CASK: variants seen among roughly 807,000 people sequenced by gnomAD.
CASK encodes peripheral plasma membrane protein CASK.
A neutral mutation model predicts 82.9 loss-of-function variants in CASK; 4 were observed. The ratio of observed to expected loss-of-function variants is 0.05; its 90% confidence interval spans 0.02 to 0.11. The LOEUF (loss-of-function observed/expected upper bound fraction) is 0.11, where lower values mean the gene tolerates loss of function less well. Ranked by LOEUF, CASK falls within the 10% of genes least tolerant of loss-of-function variation. The probability of loss-of-function intolerance (pLI) is 1.00; values close to 1 mark genes in which losing one functional copy is unlikely to be tolerated. For missense variants in CASK, 358 were observed against 720.9 expected, an observed-to-expected ratio of 0.50 and a Z score of 5.76; for synonymous variants, 259 against 253.5, an observed-to-expected ratio of 1.02 and a Z score of -0.20.
intron 8 of CASK, among the ~76,000 whole-genome samples, chrX:41,643,399 C>T (rs1338186180): frequency 4.5e-5 from 5 of 111,643 alleles, no homozygotes. Flanking sequence ...TTCTTCCTAT[C>T]CATAAGCATG....
intron 13 of CASK, chrX:41,587,898 A>C (rs1271101281): frequency 8.9e-6 from 1 of 111,767 alleles, no homozygotes; most frequent in Non-Finnish European, 1.9e-5. Context: ...CCAACCATTA[A>C]GCCAATAAAG....
chrX:41,592,113 CATGGTGGCAT>C (rs776433673), intron 12 of CASK, among the ~76,000 whole-genome samples: 39 of 107,168 alleles, frequency 3.6e-4, no homozygotes, highest in Non-Finnish European at 6.9e-4. Flanking sequence ...ATTAGCCAGG[CATGGTGGCAT>C]ATGCCTGTAT....
chrX:41,587,355 GT>G (rs1367321004), intron 13 of CASK: 1 of 130,309 alleles, frequency 7.7e-6, no homozygotes, highest in African/African-American at 3.2e-5. Context: ...TTAATAAGAA[GT>G]TTTCTTTTAT....
At chrX:41,629,301 A>C (rs2066427893) in intron 9 of CASK, among the ~76,000 whole-genome samples, 1 of 111,984 alleles carries the variant, frequency 8.9e-6, no homozygotes, top group Admixed American at 9.5e-5. Context: ...GTCTGAACCC[A>C]GTGACTATAG....
chrX:41,717,690 C>T (rs1354122328), intron 5 of CASK, among the ~76,000 whole-genome samples: 2 of 111,864 alleles, frequency 1.8e-5, no homozygotes, highest in African/African-American at 6.5e-5. Context: ...TGAGTGGCCT[C>T]GCCTTGGGAG....
intron 1 of CASK, among the ~76,000 whole-genome samples, chrX:41,905,205 A>G (rs1315002256): frequency 8.9e-6 from 1 of 112,477 alleles, no homozygotes; most frequent in East Asian, 2.8e-4. Context: ...ATGTTCATGT[A>G]TAAGTTTCTG....
chrX:41,677,124 T>G (rs1293388923), intron 5 of CASK, among the ~76,000 whole-genome samples: 1 of 98,497 alleles, frequency 1.0e-5, no homozygotes, highest in East Asian at 3.1e-4. Context: ...CTGGGCAACA[T>G]GGCAAAACCC....
At chrX:41,582,351 T>C (rs1382254225) in intron 14 of CASK, among the ~76,000 whole-genome samples, 2 of 112,165 alleles carry the variant, frequency 1.8e-5, no homozygotes, top group Non-Finnish European at 3.8e-5. Flanking sequence ...AGTCTCGCTC[T>C]GTCTCCCAGG....
At chrX:41,886,519 A>T (rs1355944453) in intron 1 of CASK, among the ~76,000 whole-genome samples, 1 of 111,957 alleles carries the variant, frequency 8.9e-6, no homozygotes, top group Admixed American at 9.5e-5. Flanking sequence ...TATAATACAG[A>T]TCTCAATTAC....
At chrX:41,902,605 T>C (rs2072403185) in intron 1 of CASK, among the ~76,000 whole-genome samples, 1 of 111,996 alleles carries the variant, frequency 8.9e-6, no homozygotes, top group Non-Finnish European at 1.9e-5. Flanking sequence ...TACTCACAGG[T>C]TCTAGTAATT....
intron 11 of CASK, among the ~76,000 whole-genome samples, chrX:41,620,380 C>T (rs897567657): frequency 8.9e-6 from 1 of 111,848 alleles, no homozygotes; most frequent in Admixed American, 9.5e-5. Context: ...TGAAACTCAG[C>T]ATCACTGAGC....
In CASK at chrX:41,709,814, G is replaced by A. The variant is rs1170886530; in HGVS notation, c.429+29570C>T. ...AATGGGTATAGGAGGGAAGACATGA[G>A]ATATTCAATTCTTCTTTCTCTTCCC... On this transcript the variant is annotated intron_variant, in intron 5 of 26. Transcript: ENST00000378163. Among the ~76,000 whole-genome samples, 3 of 111,426 alleles carry A rather than the reference G, an allele frequency of 2.7e-5. No homozygotes were observed. In the East Asian group the frequency reaches 8.4e-4, roughly 31 times the overall value.
chrX:41,808,124 G>C (rs1451424122), intron 2 of CASK, among the ~76,000 whole-genome samples: 2 of 112,022 alleles, frequency 1.8e-5, no homozygotes, highest in Non-Finnish European at 3.8e-5. Context: ...CAAAGTGCCA[G>C]GATTACAGGT....
At chrX:41,670,888 G>C (rs1328039652) in intron 6 of CASK, among the ~76,000 whole-genome samples, 2 of 112,199 alleles carry the variant, frequency 1.8e-5, no homozygotes, top group African/African-American at 6.5e-5. Context: ...TATATAATTT[G>C]TAACTTTTTT....
At chrX:41,855,068 G>T (rs1372239588) in intron 1 of CASK, among the ~76,000 whole-genome samples, 1 of 111,724 alleles carries the variant, frequency 9.0e-6, no homozygotes, top group African/African-American at 3.3e-5. Context: ...TCTGTATGTG[G>T]GGTTGATTGT....
intron 3 of CASK, among the ~76,000 whole-genome samples, chrX:41,764,118 G>C (rs1157204467): frequency 9.0e-6 from 1 of 111,715 alleles, no homozygotes; most frequent in African/African-American, 3.3e-5. Context: ...ATGAACACTC[G>C]ACAATAGTTG....
rs144684162 is a variant in CASK, at chrX:41,644,770, G to T, written c.832-8109C>A. Among the ~76,000 whole-genome samples the T allele has an allele frequency of 2.2e-3, 244 of 111,551 alleles. 3 individuals carry two copies. Among genetic ancestry groups the T allele is most frequent in the African/African-American group, 7.7e-3 (238 of 30,764 alleles). On this transcript the variant is annotated intron_variant, in intron 8 of 26. Transcript: ENST00000378163. ...CACCTAGGAGTAAGTCTTTGAACTG[G>T]CCCCCTTGAGGCGTACTTGTCTCTT...
chrX:41,815,711 C>T (rs901177020), intron 2 of CASK, among the ~76,000 whole-genome samples: 6 of 110,928 alleles, frequency 5.4e-5, no homozygotes, highest in Non-Finnish European at 1.1e-4. Context: ...GAAAAATACC[C>T]TAAAGAAATA....
chrX:41,753,332 G>C (rs186372777), intron 3 of CASK, among the ~76,000 whole-genome samples: 1 of 110,646 alleles, frequency 9.0e-6, no homozygotes, highest in Non-Finnish European at 1.9e-5. Flanking sequence ...GAATGCAGAT[G>C]AAATGGTACT....
Sources: allele counts gnomAD v4.1 joint callset (sites outside exome capture counted in the v4.1 genomes callset), GRCh38; gene constraint gnomAD v4.1.1; transcripts MANE v1.5; gene names NCBI Gene and HGNC (gene_info 2026-07-23, HGNC 2026-07-21).